The following PRKG1 variants were observed in gnomAD, a reference collection of about 807,000 sequenced individuals.
The protein encoded by PRKG1 is protein kinase cGMP-dependent 1.
Under a neutral mutation model 88.1 loss-of-function variants are expected in PRKG1, and 35 were observed. That is an observed-to-expected ratio of 0.40 (90% CI 0.30 to 0.53). PRKG1 has a LOEUF of 0.53. PRKG1 is among the 20% of genes least tolerant of loss of function. PRKG1 has a pLI of 0.59. For synonymous variants in PRKG1, 303 were observed against 292.5 expected, an observed-to-expected ratio of 1.04 and a Z score of -0.37; for missense variants, 540 against 839.8, an observed-to-expected ratio of 0.64 and a Z score of 4.41.
At chr10:51,208,542 T>C (rs145655023) in intron 2 of PRKG1, among the ~76,000 whole-genome samples, 2 of 152,116 alleles carry the variant, frequency 1.3e-5, no homozygotes, top group Admixed American at 1.3e-4. Context: ...ATGAAAAGGG[T>C]TAGGGGAGTT....
intron 3 of PRKG1, among the ~76,000 whole-genome samples, chr10:51,675,433 C>A (rs1282895954): frequency 1.3e-5 from 2 of 152,088 alleles, no homozygotes; most frequent in Non-Finnish European, 2.9e-5. Context: ...TTTATCAAGT[C>A]AAGACATCAT....
At chr10:51,615,862 T>C (rs1435268828) in intron 3 of PRKG1, among the ~76,000 whole-genome samples, 1 of 152,114 alleles carries the variant, frequency 6.6e-6, no homozygotes, top group African/African-American at 2.4e-5. Flanking sequence ...ATTGTATTCA[T>C]TTAGTGGTGT....
At chr10:51,479,735 C>T (rs959026931) in intron 3 of PRKG1, among the ~76,000 whole-genome samples, 7 of 152,068 alleles carry the variant, frequency 4.6e-5, no homozygotes, top group Admixed American at 3.3e-4. Context: ...TATGCATGCC[C>T]TTTGTTAACA....
chr10:51,274,978 G>A (rs1840077104), intron 2 of PRKG1, among the ~76,000 whole-genome samples: 1 of 152,150 alleles, frequency 6.6e-6, no homozygotes, highest in Admixed American at 6.5e-5. Context: ...AGCAAGTGGT[G>A]GCTACTCTTG....
At chr10:52,233,379 T>G (rs1237225022) in intron 9 of PRKG1, among the ~76,000 whole-genome samples, 2 of 151,500 alleles carry the variant, frequency 1.3e-5, no homozygotes, top group African/African-American at 4.9e-5. Flanking sequence ...AGACGGGTGA[T>G]TTCTGCATTT....
chr10:51,408,031 G>A (rs1325009179), intron 2 of PRKG1, among the ~76,000 whole-genome samples: 1 of 152,180 alleles, frequency 6.6e-6, no homozygotes, highest in Non-Finnish European at 1.5e-5. Context: ...CCAGCATAAT[G>A]TCATTTCATG....
At chr10:51,193,078 G>C (rs1837670773) in intron 2 of PRKG1, among the ~76,000 whole-genome samples, 1 of 151,984 alleles carries the variant, frequency 6.6e-6, no homozygotes, top group East Asian at 1.9e-4. Context: ...TCTTTACTAG[G>C]GAAATTCATA....
intron 3 of PRKG1, among the ~76,000 whole-genome samples, chr10:51,541,701 G>A (rs995902104): frequency 2.6e-5 from 4 of 151,360 alleles, no homozygotes; most frequent in Non-Finnish European, 2.9e-5. Flanking sequence ...CATTCCAATT[G>A]CTTAAAAGGA....
rs994177297 is a variant in PRKG1 at position 52,294,970 on chromosome 10, A to G, written c.*1070A>G. On this transcript the variant is annotated 3_prime_UTR_variant, in exon 18 of 18. Coordinates refer to ENST00000373980, the MANE Select transcript of PRKG1 (RefSeq NM_006258.4). Reference sequence around the variant, plus strand: ...AAACTCAAGCATTTTCACTAAAGTTATTAAACCAAACTCCTGTCCAATTTC... The same window carrying G: ...AAACTCAAGCATTTTCACTAAAGTTGTTAAACCAAACTCCTGTCCAATTTC... 6.6e-6 allele frequency: 1 copy of G among 152,594 alleles called. No homozygotes were observed. The highest frequency in any genetic ancestry group is 1.5e-5 in the Non-Finnish European group (1 of 68,018). 9.5% of individuals were successfully genotyped at this position (152,594 alleles called of 1,614,324 possible).
At position 52,290,264 on chromosome 10, in the gene PRKG1, A is replaced by T. The variant is rs1057524623; in HGVS notation, c.1936A>T (p.Thr646Ser). ...GFNWEGLRKG[T>S]LTPPIIPSVA... Reference sequence around the variant, plus strand: ...TAACTGGGAAGGCTTAAGAAAAGGTACCTTGACACCTCCTATAATACCAAG... The same window carrying T: ...TAACTGGGAAGGCTTAAGAAAAGGTTCCTTGACACCTCCTATAATACCAAG... The change falls in exon 17 of 18, where the codon ACC (threonine) becomes TCC (serine). Residue 646 changes from threonine to serine, a missense_variant. Physicochemically the swap from Thr to Ser is moderately conservative, Grantham distance 58 (BLOSUM62 1). Coordinates refer to ENST00000373980, the MANE Select transcript of PRKG1 (RefSeq NM_006258.4). 6.2e-7 allele frequency: 1 copy of T among 1,612,768 alleles called. No homozygotes were observed. The highest frequency in any genetic ancestry group is 8.5e-7 in the Non-Finnish European group (1 of 1,179,142).
chr10:51,470,927 C>T (rs1315629124), intron 3 of PRKG1, among the ~76,000 whole-genome samples: 3 of 151,558 alleles, frequency 2.0e-5, no homozygotes, highest in Non-Finnish European at 4.4e-5. Flanking sequence ...GTGGTTACCA[C>T]GATAGCACTA....
chr10:51,798,398 G>A (rs1402725498), intron 3 of PRKG1, among the ~76,000 whole-genome samples: 2 of 151,976 alleles, frequency 1.3e-5, no homozygotes, highest in Non-Finnish European at 1.5e-5. Context: ...TTACCCTAAG[G>A]TTAGTGGTGT....
Position 51,373,069 on chromosome 10 carries a change from T to G in PRKG1, c.479-94654T>G, listed in dbSNP as rs180858634. Among the ~76,000 whole-genome samples, 8 of 152,288 alleles carry G rather than the reference T, an allele frequency of 5.3e-5. No homozygotes were observed. In the East Asian group the frequency reaches 1.5e-3, roughly 29 times the overall value. Reference sequence around the variant, plus strand: ...AAAATATGGCTCTAAAGGCTACCATTATGTCTATCCATCCATCCATCGATT... The same window carrying G: ...AAAATATGGCTCTAAAGGCTACCATGATGTCTATCCATCCATCCATCGATT... On this transcript the variant is annotated intron_variant, in intron 2 of 17. Coordinates refer to ENST00000373980, the MANE Select transcript of PRKG1 (RefSeq NM_006258.4).
intron 5 of PRKG1, among the ~76,000 whole-genome samples, chr10:52,006,321 A>T (rs1274945829): frequency 6.6e-6 from 1 of 152,180 alleles, no homozygotes; most frequent in Non-Finnish European, 1.5e-5. Context: ...CAGAATATGG[A>T]TGGGAATGAA....
chr10:51,882,917 G>A (rs1841472609), intron 4 of PRKG1, among the ~76,000 whole-genome samples: 2 of 152,182 alleles, frequency 1.3e-5, no homozygotes, highest in Admixed American at 6.5e-5. Flanking sequence ...TTACTTTCAT[G>A]TGTCAACTTG....
intron 3 of PRKG1, among the ~76,000 whole-genome samples, chr10:51,583,856 T>A (rs1838105610): frequency 6.6e-6 from 1 of 152,094 alleles, no homozygotes; most frequent in Non-Finnish European, 1.5e-5. Flanking sequence ...TCACAATATT[T>A]AATGGTATGG....
intron 7 of PRKG1, among the ~76,000 whole-genome samples, chr10:52,132,539 G>T (rs570466440): frequency 6.6e-6 from 1 of 152,096 alleles, no homozygotes; most frequent in African/African-American, 2.4e-5. Context: ...ATTTCAGAAT[G>T]TAATGTGTTT....
At chr10:51,628,733 G>T (rs887169094) in intron 3 of PRKG1, among the ~76,000 whole-genome samples, 1 of 151,748 alleles carries the variant, frequency 6.6e-6, no homozygotes, top group Non-Finnish European at 1.5e-5. Context: ...GCCGAGGCGG[G>T]TGGATCATGA....
chr10:51,163,760 G>T (rs1371719264), intron 2 of PRKG1, among the ~76,000 whole-genome samples: 1 of 152,252 alleles, frequency 6.6e-6, no homozygotes, highest in Non-Finnish European at 1.5e-5. Context: ...ACCTGGCTGG[G>T]AGGGTCCTAC....
Sources: gnomAD v4.1 joint callset for allele counts (sites outside exome capture counted in the v4.1 genomes callset) on GRCh38, gnomAD v4.1.1 for gene constraint, MANE v1.5 for transcripts, NCBI Gene and HGNC (gene_info 2026-07-23, HGNC 2026-07-21) for gene names.